The following CLUL1 variants were observed in gnomAD, a reference collection of about 807,000 sequenced individuals.
The protein encoded by CLUL1 is clusterin-like protein 1.
In CLUL1, 43 loss-of-function variants were observed where a neutral mutation model predicts 49.4. The observed-to-expected ratio is 0.87, with a 90% confidence interval of 0.68 to 1.12. CLUL1 has a LOEUF of 1.12. Among genes scored for constraint, CLUL1 ranks in the 50% most tolerant of loss-of-function variants. The pLI is 0.00. For missense variants in CLUL1, 486 were observed against 544.4 expected (o/e 0.89, Z 1.07); for synonymous variants, 192 against 184.9 (o/e 1.04, Z -0.31).
intron 2 of CLUL1, among the ~76,000 whole-genome samples, chr18:617,595 C>CA (rs11422881): frequency 0.64 from 52,802 of 81,872 alleles, 16,934 homozygotes; most frequent in East Asian, 0.77. Flanking sequence ...AACTCCGTCT[C>CA]AAAAAAAAAA....
chr18:640,845 T>C (rs1363404671), intron 7 of CLUL1, among the ~76,000 whole-genome samples: 3 of 152,208 alleles, frequency 2.0e-5, no homozygotes, highest in African/African-American at 7.2e-5. Context: ...CACAAATCTT[T>C]TTTTTTTCAC....
chr18:630,210 G>C (rs1202042381), intron 6 of CLUL1, among the ~76,000 whole-genome samples: 1 of 152,160 alleles, frequency 6.6e-6, no homozygotes, highest in Non-Finnish European at 1.5e-5. Context: ...CGGGGTTTAA[G>C]TGATTCTCCT....
chr18:649,894 T>TA lies in CLUL1; in HGVS notation c.1398-2dup, dbSNP rs2144234052. 4 of 1,345,942 alleles carry TA rather than the reference T, an allele frequency of 3.0e-6. No homozygotes were observed. Among genetic ancestry groups the TA allele is most frequent in the Non-Finnish European group, 3.2e-6 (3 of 949,914 alleles). The allele number at this position is 1,345,942 out of a possible 1,614,324, so 83.4% of individuals were successfully genotyped here. ...TCATTGCTGCCTTTTTTTTTTTTTT[T>TA]AAGGTAAGAAGATCTAATGCATCCT... On this transcript the variant is annotated splice_region_variant and splice_polypyrimidine_tract_variant and intron_variant, in intron 9 of 9. Transcript: ENST00000692774.
rs9950256 is a variant in CLUL1 at position 618,741 on chromosome 18, G to C, written c.107-472G>C. Among the ~76,000 whole-genome samples the C allele has an allele frequency of 0.037, 5,705 of 152,218 alleles. 110 individuals carry two copies. The highest frequency in any genetic ancestry group is 0.065 in the Middle Eastern group (19 of 294). On this transcript the variant is annotated intron_variant, in intron 3 of 9. Coordinates refer to ENST00000692774, the MANE Select transcript of CLUL1 (RefSeq NM_001393344.1). This position sits in a 1 kb window ranked among gnomAD's most constrained non-coding sequence, Gnocchi z 4.2. ...TAAAGGTGTATAAGACACGTCCATT[G>C]AGTTATTAAGGAAGCTCGTATTACA...
In CLUL1 at chr18:597,203, C is replaced by G. The variant is rs563975143; in HGVS notation, c.-136+74C>G. The G allele has an allele frequency of 2.0e-5, 3 of 153,008 alleles. No homozygotes were observed. The South Asian group carries it at 6.2e-4, about 32-fold the overall frequency. The allele number at this position is 153,008 out of a possible 1,614,324, so 9.5% of individuals were successfully genotyped here. A position where few individuals can be genotyped will look rare whatever the true frequency, so the allele number is the denominator to read the frequency against. On this transcript the variant is annotated intron_variant, in intron 1 of 9. Transcript: ENST00000692774. ...CATTTCTCCGGAGAGCCAGAGAAAG[C>G]CGCTCCCAAGTCCAAGGCCGAGCTC...
rs1567966766 is a variant in CLUL1, at chr18:626,938, GGAAAGAAGGAAGGAAGGAAGGAA to G, written c.424-157_424-135del. ...AAGAAAGAAAGAAAGAAGGAAAGAA[GGAAAGAAGGAAGGAAGGAAGGAA>G]GGAAGGAAGGAAGGAAGGAAGGAAG... On this transcript the variant is annotated intron_variant, in intron 5 of 9. Coordinates refer to ENST00000692774, the MANE Select transcript of CLUL1 (RefSeq NM_001393344.1). 5.7e-3 allele frequency among the ~76,000 whole-genome samples: 48 copies of G among 8,390 alleles called. 15 individuals are homozygous for G. The highest frequency in any genetic ancestry group is 0.012 in the African/African-American group (37 of 3,178). The allele number at this position is 8,390 out of a possible 152,430, so 5.5% of individuals were successfully genotyped here.
At chr18:640,458 AT>A (rs71174262) in intron 7 of CLUL1, among the ~76,000 whole-genome samples, 46,779 of 150,084 alleles carry the variant, frequency 0.31, 7,666 homozygotes, top group East Asian at 0.42. Flanking sequence ...AAATGCAGCC[AT>A]TTTTTTTTTG....
At position 624,815 on chromosome 18, in the gene CLUL1, C is replaced by T. The variant is rs986922851; in HGVS notation, c.256-50C>T. 5 of 1,561,386 alleles carry T rather than the reference C, an allele frequency of 3.2e-6. No homozygotes were observed. The Admixed American group carries it at 8.5e-5, about 26-fold the overall frequency. ...TCAAAGGGTGAAATCAACTAAGGTGCACATAGATTATGAAATGGAAATTGG... is the reference window on the plus strand; with the variant it reads ...TCAAAGGGTGAAATCAACTAAGGTGTACATAGATTATGAAATGGAAATTGG... On this transcript the variant is annotated intron_variant, in intron 4 of 9. Coordinates refer to ENST00000692774, the MANE Select transcript of CLUL1 (RefSeq NM_001393344.1).
intron 6 of CLUL1, among the ~76,000 whole-genome samples, chr18:628,107 G>A (rs1287823005): frequency 3.3e-5 from 5 of 152,340 alleles, no homozygotes; most frequent in South Asian, 2.1e-4. Flanking sequence ...GATTGCAGGC[G>A]TGAGCCACCA....
intron 9 of CLUL1, among the ~76,000 whole-genome samples, chr18:648,440 G>A (rs1056677085): frequency 3.3e-5 from 5 of 152,024 alleles, no homozygotes; most frequent in Non-Finnish European, 5.9e-5. Context: ...ACATTTAGAC[G>A]ACAAAAATTA....
intron 4 of CLUL1, among the ~76,000 whole-genome samples, 174 bp downstream of exon 4, chr18:619,535 C>T (rs898283037): frequency 5.3e-5 from 8 of 152,082 alleles, no homozygotes; most frequent in African/African-American, 1.9e-4. Flanking sequence ...GAACATATTT[C>T]GTGTAGGATA....
At chr18:605,607 A>G (rs1456805061) in intron 1 of CLUL1, among the ~76,000 whole-genome samples, 1 of 152,180 alleles carries the variant, frequency 6.6e-6, no homozygotes, top group Non-Finnish European at 1.5e-5. Flanking sequence ...AAGGATACAT[A>G]TCAGGAAAAC....
At chr18:598,824 A>T (rs2143904375) in intron 1 of CLUL1, among the ~76,000 whole-genome samples, 1 of 151,556 alleles carries the variant, frequency 6.6e-6, no homozygotes. Flanking sequence ...AAAAAAAAGC[A>T]CCCCCTCTTT....
chr18:645,810 A>AAAATATAT (rs1451607900), intron 9 of CLUL1, among the ~76,000 whole-genome samples: 62 of 29,840 alleles, frequency 2.1e-3, no homozygotes, highest in Non-Finnish European at 3.1e-3. Flanking sequence ...AAAAAAAAAA[A>AAAATATAT]ATATATATAT....
At chr18:631,635 TCTAGATG>T (rs1314356913) in intron 6 of CLUL1, among the ~76,000 whole-genome samples, 1 of 152,140 alleles carries the variant, frequency 6.6e-6, no homozygotes, top group Non-Finnish European at 1.5e-5. Flanking sequence ...CAGGTATTAA[TCTAGATG>T]CTAGAGATAA....
intron 9 of CLUL1, among the ~76,000 whole-genome samples, chr18:648,345 GA>G (rs893376722): frequency 1.3e-5 from 2 of 152,174 alleles, no homozygotes; most frequent in Non-Finnish European, 2.9e-5. Flanking sequence ...CAAGGCACAC[GA>G]AGTGATTTTT....
intron 6 of CLUL1, among the ~76,000 whole-genome samples, chr18:631,568 C>T (rs1294578465): frequency 6.6e-6 from 1 of 152,104 alleles, no homozygotes; most frequent in Non-Finnish European, 1.5e-5. Context: ...GCTGTGGCTG[C>T]AGGATGGGGA....
chr18:602,895 G>A (rs2072871956), intron 1 of CLUL1, among the ~76,000 whole-genome samples: 1 of 152,174 alleles, frequency 6.6e-6, no homozygotes, highest in African/African-American at 2.4e-5. Context: ...GAGGTGGAGT[G>A]GAAAAGGAGA....
At chr18:645,599 T>C (rs1046505871) in intron 9 of CLUL1, among the ~76,000 whole-genome samples, 1 of 150,826 alleles carries the variant, frequency 6.6e-6, no homozygotes, top group Non-Finnish European at 1.5e-5. Flanking sequence ...ATTGAGACCA[T>C]CCTGGATAAC....
Sources: gnomAD v4.1 joint callset for allele counts (sites outside exome capture counted in the v4.1 genomes callset) on GRCh38, gnomAD v4.1.1 for gene constraint, Gnocchi (gnomAD v3.1) non-coding constraint, MANE v1.5 for transcripts, NCBI Gene and HGNC (gene_info 2026-07-23, HGNC 2026-07-21) for gene names.